SPTLC2: variants seen among roughly 807,000 people sequenced by gnomAD.
SPTLC2 encodes serine palmitoyltransferase long chain base subunit 2, also known as serine palmitoyltransferase 2.
Under a neutral mutation model 62.0 loss-of-function variants are expected in SPTLC2, and 21 were observed. The ratio of observed to expected loss-of-function variants is 0.34; its 90% CI spans 0.24 to 0.49. The LOEUF (loss-of-function observed/expected upper bound fraction) is 0.49, where lower values mean the gene tolerates loss of function less well. SPTLC2 is among the 20% of genes least tolerant of loss of function. SPTLC2 has a pLI of 0.99. For synonymous variants in SPTLC2, 261 were observed against 261.8 expected, an observed-to-expected ratio of 1.00 and a Z score of 0.03; for missense variants, 511 against 713.0, an observed-to-expected ratio of 0.72 and a Z score of 3.23.
intron 1 of SPTLC2, among the ~76,000 whole-genome samples, chr14:77,615,082 C>G (rs552779543): frequency 6.6e-6 from 1 of 152,270 alleles, no homozygotes; most frequent in East Asian, 1.9e-4. Context: ...TTCTATACCA[C>G]AACAATTTTG....
intron 8 of SPTLC2, among the ~76,000 whole-genome samples, chr14:77,554,592 C>T (rs767640572): frequency 1.5e-4 from 23 of 152,074 alleles, no homozygotes; most frequent in Non-Finnish European, 2.6e-4. Context: ...CTTTTTAAAC[C>T]CTTACTACAA....
intron 9 of SPTLC2, among the ~76,000 whole-genome samples, chr14:77,536,769 G>C (rs968890701): frequency 6.6e-6 from 1 of 152,066 alleles, no homozygotes; most frequent in Non-Finnish European, 1.5e-5. Context: ...TCTACCATTA[G>C]ATCAGTGGTA....
intron 9 of SPTLC2, among the ~76,000 whole-genome samples, chr14:77,523,116 G>C (rs2079392791): frequency 6.6e-6 from 1 of 152,210 alleles, no homozygotes; most frequent in Non-Finnish European, 1.5e-5. Context: ...TTATATTTAA[G>C]TATGTTGGGA....
In SPTLC2 at chr14:77,551,978, C is replaced by A. The variant is rs2079557944; in HGVS notation, c.1303+118G>T. Reference sequence around the variant, plus strand: ...AAAAGTGTCCATGGAAACCACACACCAGCCAGCTCTGCCTATTAGTAAACC... The same window carrying A: ...AAAAGTGTCCATGGAAACCACACACAAGCCAGCTCTGCCTATTAGTAAACC... On this transcript the variant is annotated intron_variant, in intron 9 of 11. Coordinates refer to ENST00000216484, the MANE Select transcript of SPTLC2 (RefSeq NM_004863.4). The A allele has an allele frequency of 2.1e-6, 3 of 1,461,712 alleles. No individual in the cohort carries two copies. The South Asian group carries it at 3.7e-5, about 18-fold the overall frequency. 90.5% of individuals were successfully genotyped at this position (1,461,712 alleles called of 1,614,324 possible).
intron 5 of SPTLC2, among the ~76,000 whole-genome samples, chr14:77,565,377 C>T (rs187284618): frequency 2.1e-4 from 32 of 151,294 alleles, no homozygotes; most frequent in African/African-American, 7.8e-4. Context: ...ATCTCTGCCA[C>T]AATATATGGT....
chr14:77,616,354 T>A, intron 1 of SPTLC2, 94 bp downstream of exon 1: 1 of 753,390 alleles, frequency 1.3e-6, no homozygotes, highest in Admixed American at 4.7e-5. Flanking sequence ...CCCCGCGGAT[T>A]GCCCAGCGGA....
intron 4 of SPTLC2, among the ~76,000 whole-genome samples, chr14:77,572,299 C>G (rs4899659): frequency 0.59 from 89,799 of 152,002 alleles, 27,090 homozygotes; most frequent in East Asian, 0.91. Flanking sequence ...ACTGGATAAC[C>G]AAGAAATAAA....
intron 9 of SPTLC2, among the ~76,000 whole-genome samples, chr14:77,544,687 T>A (rs2079518748): frequency 6.6e-6 from 1 of 152,206 alleles, no homozygotes; most frequent in African/African-American, 2.4e-5. Flanking sequence ...ACAAAGACTC[T>A]CTCCTTTGAC....
intron 9 of SPTLC2, chr14:77,536,036 G>A (rs569331287): frequency 2.3e-6 from 1 of 435,960 alleles, no homozygotes; most frequent in Middle Eastern, 3.3e-4. Flanking sequence ...GAAAAAGTTG[G>A]TTTGAGGGGA....
intron 8 of SPTLC2, among the ~76,000 whole-genome samples, chr14:77,554,079 A>C (rs2079570099): frequency 6.6e-6 from 1 of 152,188 alleles, no homozygotes; most frequent in African/African-American, 2.4e-5. Context: ...CAGCCTCTCA[A>C]AGTGCTGGGA....
intron 9 of SPTLC2, among the ~76,000 whole-genome samples, chr14:77,548,792 T>A (rs1233252120): frequency 6.6e-6 from 1 of 152,182 alleles, no homozygotes; most frequent in East Asian, 1.9e-4. Context: ...AAAGGAGCGC[T>A]CACAAAGTCG....
intron 9 of SPTLC2, among the ~76,000 whole-genome samples, chr14:77,532,737 T>G (rs1192061187): frequency 1.3e-5 from 2 of 151,580 alleles, no homozygotes; most frequent in Non-Finnish European, 2.9e-5. Context: ...TGAGCCGAGA[T>G]AGTGCCACTG....
At chr14:77,588,540 A>C (rs1326217099) in intron 2 of SPTLC2, among the ~76,000 whole-genome samples, 2 of 147,742 alleles carry the variant, frequency 1.4e-5, no homozygotes, top group African/African-American at 2.5e-5. Flanking sequence ...AAAAAAAAAA[A>C]CAAAAATTAG....
At chr14:77,549,651 C>T (rs1388062344) in intron 9 of SPTLC2, among the ~76,000 whole-genome samples, 3 of 152,190 alleles carry the variant, frequency 2.0e-5, no homozygotes, top group Admixed American at 6.5e-5. Flanking sequence ...TGTGCCCTGA[C>T]CGAATTCTTG....
chr14:77,584,602 C>A (rs2079770982), intron 2 of SPTLC2, among the ~76,000 whole-genome samples: 1 of 152,184 alleles, frequency 6.6e-6, no homozygotes, highest in African/African-American at 2.4e-5. Flanking sequence ...ATGATCCAGG[C>A]CTTCTAACTT....
intron 1 of SPTLC2, among the ~76,000 whole-genome samples, chr14:77,609,706 C>A (rs933556112): frequency 2.0e-5 from 3 of 151,646 alleles, no homozygotes; most frequent in Non-Finnish European, 4.4e-5. Context: ...CCAGCCTGGG[C>A]AACGGAGTGA....
intron 5 of SPTLC2, among the ~76,000 whole-genome samples, chr14:77,564,400 TACACACACAC>T (rs6145397): frequency 0.027 from 3,733 of 139,322 alleles, 72 homozygotes; most frequent in South Asian, 0.042. Flanking sequence ...TATGCATGCA[TACACACACAC>T]ACACACACAC....
At chr14:77,577,185 G>C (rs2079721184) in intron 3 of SPTLC2, among the ~76,000 whole-genome samples, 1 of 151,622 alleles carries the variant, frequency 6.6e-6, no homozygotes. Context: ...TATCAGGTTT[G>C]TTTTTTGGAG....
At chr14:77,611,458 C>CAAA (rs34421039) in intron 1 of SPTLC2, among the ~76,000 whole-genome samples, 193 of 110,642 alleles carry the variant, frequency 1.7e-3, no homozygotes, top group South Asian at 3.3e-3. Flanking sequence ...CCTATCTCGC[C>CAAA]AAAAAAAAAA....
Sources: allele counts gnomAD v4.1 joint callset (sites outside exome capture counted in the v4.1 genomes callset), GRCh38; gene constraint gnomAD v4.1.1; transcripts MANE v1.5; gene names NCBI Gene and HGNC (gene_info 2026-07-23, HGNC 2026-07-21).